Variants in ANKRD31 observed in about 807,000 individuals in gnomAD.
The protein encoded by ANKRD31 is ankyrin repeat domain 31, also known as ankyrin repeat domain-containing protein 31.
In ANKRD31, 147 loss-of-function variants were observed where a neutral mutation model predicts 186.0. The observed-to-expected ratio is 0.79, with a 90% CI of 0.69 to 0.91. The LOEUF (loss-of-function observed/expected upper bound fraction) is 0.91. ANKRD31 is among the 40% of genes least tolerant of loss of function. The pLI, the probability that ANKRD31 is intolerant of heterozygous loss-of-function variation, is 0.00. For missense variants in ANKRD31, 1,986 were observed against 2,148.8 expected (o/e 0.92, Z 1.50); for synonymous variants, 673 against 736.4 (o/e 0.91, Z 1.39).
chr5:75,090,058 T>C (rs1745813894), intron 23 of ANKRD31, among the ~76,000 whole-genome samples: 1 of 152,204 alleles, frequency 6.6e-6, no homozygotes, highest in South Asian at 2.1e-4. Context: ...CTATCTGTCC[T>C]GTGAGCTAAG....
In ANKRD31 at chr5:75,192,669, T is replaced by G; in HGVS notation, c.1406A>C (p.Lys469Thr). 13 of 1,524,858 alleles carry G rather than the reference T, an allele frequency of 8.5e-6. No homozygotes were observed. The highest frequency in any genetic ancestry group is 2.0e-5 in the Admixed American group (1 of 50,134). The allele number at this position is 1,524,858 out of a possible 1,614,324, so 94.5% of individuals were successfully genotyped here. Reference protein sequence around the residue: ...IRKNEQFSGKKEKMKVNKISL... With the variant: ...IRKNEQFSGKTEKMKVNKISL... Reference sequence around the variant, plus strand: ...AAAATACTCAAAATATGCATCACCTTTTTTTCCTGAAAATTGTTCATTTTT... The same window carrying G: ...AAAATACTCAAAATATGCATCACCTGTTTTTCCTGAAAATTGTTCATTTTT... Residue 469 changes from lysine (K) to threonine (T), a missense_variant and splice_region_variant, in exon 9 of 26, where the codon AAA becomes ACA. By Grantham distance (78) the Lys-to-Thr change is moderately conservative. Coordinates refer to ENST00000506364, the MANE Select transcript of ANKRD31 (RefSeq NM_001372053.1).
intron 3 of ANKRD31, among the ~76,000 whole-genome samples, chr5:75,215,517 A>G (rs896002015): frequency 6.6e-6 from 1 of 152,206 alleles, no homozygotes; most frequent in African/African-American, 2.4e-5. Flanking sequence ...CTTGCCATAT[A>G]GCATACATGT....
chr5:75,200,320 A>C (rs1436453642), intron 5 of ANKRD31, among the ~76,000 whole-genome samples: 1 of 142,888 alleles, frequency 7.0e-6, no homozygotes. Context: ...TTCTTTTGAG[A>C]TGGAGTCTCG....
intron 17 of ANKRD31, among the ~76,000 whole-genome samples, chr5:75,135,679 A>G (rs1404850453): frequency 1.3e-5 from 2 of 152,184 alleles, no homozygotes; most frequent in Non-Finnish European, 2.9e-5. Flanking sequence ...TAAAGTTCAT[A>G]TGGAACCAAA....
At chr5:75,107,639 G>T (rs760356990) in intron 20 of ANKRD31, 22 bp from the exon 21 acceptor site, 173 of 1,420,316 alleles carry the variant, frequency 1.2e-4, no homozygotes, top group Non-Finnish European at 1.6e-4. Flanking sequence ...ACAATAAAAA[G>T]TTAGCTAACT....
At chr5:75,181,682 A>G (rs968787749) in intron 10 of ANKRD31, among the ~76,000 whole-genome samples, 5 of 147,122 alleles carry the variant, frequency 3.4e-5, no homozygotes, top group African/African-American at 1.3e-4. Context: ...GGAATTGAAC[A>G]ATGAGAACAC....
intron 10 of ANKRD31, among the ~76,000 whole-genome samples, chr5:75,173,410 G>A (rs991998955): frequency 2.0e-5 from 3 of 152,122 alleles, no homozygotes; most frequent in Non-Finnish European, 4.4e-5. Flanking sequence ...AAGAAATAAA[G>A]AGGATTCAAT....
chr5:75,217,943 A>G (rs1757059338), intron 3 of ANKRD31, among the ~76,000 whole-genome samples: 1 of 152,070 alleles, frequency 6.6e-6, no homozygotes, highest in African/African-American at 2.4e-5. Context: ...TCTTGTAAGG[A>G]AGTTCTGGTG....
chr5:75,090,202 A>AT (rs1745822633), intron 23 of ANKRD31, among the ~76,000 whole-genome samples: 1 of 152,236 alleles, frequency 6.6e-6, no homozygotes, highest in Admixed American at 6.5e-5. Flanking sequence ...GATAGGGTAA[A>AT]GGGGCTAAGA....
chr5:75,192,382 C>T (rs1442388676), intron 9 of ANKRD31, among the ~76,000 whole-genome samples: 1 of 152,094 alleles, frequency 6.6e-6, no homozygotes, highest in Non-Finnish European at 1.5e-5. Flanking sequence ...TTTTTCATAG[C>T]CATATGCTAG....
At chr5:75,221,385 A>C (rs780098120) in intron 3 of ANKRD31, among the ~76,000 whole-genome samples, 3 of 152,248 alleles carry the variant, frequency 2.0e-5, no homozygotes, top group South Asian at 2.1e-4. Context: ...ATACATATAC[A>C]TACACTCACA....
chr5:75,091,161 T>C, intron 23 of ANKRD31, 100 bp downstream of exon 23: 1 of 1,319,512 alleles, frequency 7.6e-7, no homozygotes. Flanking sequence ...CAAAACTAGC[T>C]TGGAGATCTT....
In ANKRD31 at chr5:75,146,852, T is replaced by G; in HGVS notation, c.2559A>C (p.Thr853=). ...HKEIKLPVVT[T]DKQPHTLQEQ... is the part of the protein sequence containing the mutation. ...CCTGGAGAGTGTGAGGCTGCTTATC[T>G]GTAGTAACAACTGGTAACTTGATTT... The change falls in exon 14 of 26, where the codon ACA becomes ACC. Residue 853 remains threonine (T), a synonymous_variant. Coordinates refer to ENST00000506364, the MANE Select transcript of ANKRD31 (RefSeq NM_001372053.1). 2.0e-6 allele frequency: 3 copies of G among 1,536,386 alleles called. No homozygotes were observed. The highest frequency in any genetic ancestry group is 2.6e-6 in the Non-Finnish European group (3 of 1,146,324).
At chr5:75,145,397 C>G (rs929159824) in intron 14 of ANKRD31, among the ~76,000 whole-genome samples, 2 of 152,046 alleles carry the variant, frequency 1.3e-5, no homozygotes, top group South Asian at 4.1e-4. Flanking sequence ...CCATGGAATA[C>G]TATGCAGCCA....
At chr5:75,071,459 C>G (rs1230243989) in intron 25 of ANKRD31, among the ~76,000 whole-genome samples, 3 of 150,706 alleles carry the variant, frequency 2.0e-5, no homozygotes, top group Non-Finnish European at 4.4e-5. Context: ...ATGCCTAATT[C>G]AAGCACAGTT....
intron 15 of ANKRD31, 85 bp from the exon 16 acceptor site, chr5:75,139,068 CA>C (rs1750820298): frequency 6.5e-6 from 9 of 1,377,990 alleles, no homozygotes; most frequent in Non-Finnish European, 8.8e-6. Flanking sequence ...ACAACTTCCT[CA>C]AAATACCACA....
chr5:75,200,907 G>A lies in ANKRD31; in HGVS notation c.404-1233C>T, dbSNP rs545731499. Among the ~76,000 whole-genome samples, 100 of 134,270 alleles carry A rather than the reference G, an allele frequency of 7.4e-4. 1 individual carries two copies. Among genetic ancestry groups the A allele is most frequent in the African/African-American group, 2.8e-3 (86 of 30,372 alleles). The allele number at this position is 134,270 out of a possible 152,430, so 88.1% of individuals were successfully genotyped here. A position where few individuals can be genotyped will look rare whatever the true frequency, so the allele number is the denominator to read the frequency against. On this transcript the variant is annotated intron_variant, in intron 5 of 25. Transcript: ENST00000506364. ...AGCCTGGGCAATAGAGCAAGACTTC[G>A]CCTCAAAAAAAAAAAAGAAAAGAAA...
intron 17 of ANKRD31, among the ~76,000 whole-genome samples, chr5:75,127,584 T>G (rs899440082): frequency 2.0e-5 from 3 of 152,242 alleles, no homozygotes; most frequent in African/African-American, 7.2e-5. Context: ...CGTCCAACAT[T>G]ATTCTTTTTC....
intron 4 of ANKRD31, among the ~76,000 whole-genome samples, chr5:75,210,341 T>A (rs1173195150): frequency 6.6e-6 from 1 of 152,174 alleles, no homozygotes; most frequent in East Asian, 1.9e-4. Flanking sequence ...GCCCGGCTAA[T>A]TTTGTATTTT....
Sources: allele counts gnomAD v4.1 joint callset (sites outside exome capture counted in the v4.1 genomes callset), GRCh38; gene constraint gnomAD v4.1.1; transcripts MANE v1.5; gene names NCBI Gene and HGNC (gene_info 2026-07-23, HGNC 2026-07-21).